Variants in NAALADL2 observed in about 807,000 individuals in gnomAD.
The protein encoded by NAALADL2 is inactive N-acetylated-alpha-linked acidic dipeptidase-like protein 2.
A neutral mutation model predicts 87.2 loss-of-function variants in NAALADL2; 76 were observed. The observed-to-expected ratio is 0.87, with a 90% confidence interval of 0.72 to 1.05. The LOEUF is 1.05. NAALADL2 is among the 50% of genes least tolerant of loss of function. The probability of loss-of-function intolerance (pLI) is 0.00; values close to 1 mark genes in which losing one functional copy is unlikely to be tolerated. For missense variants in NAALADL2, 1,089 were observed against 945.8 expected (o/e 1.15, Z -1.99); for synonymous variants, 354 against 331.0 (o/e 1.07, Z -0.75).
chr3:175,810,077 T>C lies in NAALADL2; in HGVS notation c.*6874T>C, dbSNP rs750276156. The C allele has an allele frequency of 6.6e-6, 1 of 152,056 alleles. No individual in the cohort carries two copies. The highest frequency in any genetic ancestry group is 1.5e-5 in the Non-Finnish European group (1 of 67,978). The allele number at this position is 152,056 out of a possible 1,614,324, so 9.4% of individuals were successfully genotyped here. ...TCTGGATTCAGAAATCTTTTCATTG[T>C]ACAGAGATTTCATTGTCATTGTCGT... On this transcript the variant is annotated 3_prime_UTR_variant, in exon 14 of 14. Transcript: ENST00000454872.
chr3:174,768,590 A>G (rs1424126530), intron 3 of NAALADL2, among the ~76,000 whole-genome samples: 1 of 152,192 alleles, frequency 6.6e-6, no homozygotes, highest in Non-Finnish European at 1.5e-5. Context: ...TAGTAGTTTT[A>G]AAAAATAATC....
intron 1 of NAALADL2, among the ~76,000 whole-genome samples, chr3:175,093,443 G>A (rs1375938512): frequency 2.7e-5 from 3 of 111,566 alleles, no homozygotes; most frequent in Non-Finnish European, 6.0e-5. Context: ...TGTTTTAAGT[G>A]AAGCAAACAA....
intron 3 of NAALADL2, among the ~76,000 whole-genome samples, chr3:174,777,794 A>G (rs919565708): frequency 3.3e-5 from 5 of 152,080 alleles, no homozygotes; most frequent in Non-Finnish European, 5.9e-5. Context: ...GTTTCTACTG[A>G]ACCTCTCCTT....
At chr3:174,902,093 T>G (rs80127905) in intron 1 of NAALADL2, among the ~76,000 whole-genome samples, 1 of 152,130 alleles carries the variant, frequency 6.6e-6, no homozygotes, top group Non-Finnish European at 1.5e-5. Flanking sequence ...CAGGGCATGA[T>G]CTACCGCCCA....
intron 5 of NAALADL2, among the ~76,000 whole-genome samples, chr3:175,423,643 C>G (rs1226091875): frequency 2.0e-5 from 3 of 152,148 alleles, no homozygotes; most frequent in Admixed American, 6.5e-5. Flanking sequence ...GTATGTGCCA[C>G]ATTTTCTAAT....
At chr3:175,355,067 T>C (rs554779600) in intron 5 of NAALADL2, among the ~76,000 whole-genome samples, 65 of 150,842 alleles carry the variant, frequency 4.3e-4, no homozygotes, top group African/African-American at 1.5e-3. Context: ...TGTATACATA[T>C]ATTTTTTCTT....
intron 2 of NAALADL2, among the ~76,000 whole-genome samples, chr3:174,734,538 C>T (rs1733004505): frequency 6.6e-6 from 1 of 152,094 alleles, no homozygotes; most frequent in Non-Finnish European, 1.5e-5. Flanking sequence ...TGTGCAAACT[C>T]TCAGGACCCA....
At chr3:174,576,360 C>T (rs1444376531) in intron 2 of NAALADL2, among the ~76,000 whole-genome samples, 1 of 152,016 alleles carries the variant, frequency 6.6e-6, no homozygotes, top group Non-Finnish European at 1.5e-5. Flanking sequence ...TGTAGATATA[C>T]TTTTGGGTTA....
intron 2 of NAALADL2, among the ~76,000 whole-genome samples, chr3:175,169,403 A>G (rs1167342711): frequency 1.3e-5 from 2 of 151,268 alleles, no homozygotes; most frequent in Non-Finnish European, 3.0e-5. Flanking sequence ...TATGAATCTC[A>G]GTTTTATATG....
intron 2 of NAALADL2, among the ~76,000 whole-genome samples, chr3:175,154,657 G>A (rs1732036570): frequency 6.6e-6 from 1 of 152,106 alleles, no homozygotes; most frequent in Admixed American, 6.6e-5. Flanking sequence ...CTTCTGGATA[G>A]TTGAGAAGAT....
intron 10 of NAALADL2, among the ~76,000 whole-genome samples, chr3:175,610,243 G>C (rs1309762927): frequency 6.6e-6 from 1 of 152,048 alleles, no homozygotes; most frequent in African/African-American, 2.4e-5. Context: ...TGGGAAATGA[G>C]AGTTGTTCTG....
At chr3:175,441,095 A>G (rs772452668) in intron 5 of NAALADL2, among the ~76,000 whole-genome samples, 1 of 152,080 alleles carries the variant, frequency 6.6e-6, no homozygotes, top group African/African-American at 2.4e-5. Flanking sequence ...TTTATAAACT[A>G]TATAAATTAC....
At chr3:175,297,571 T>C (rs1458561683) in intron 4 of NAALADL2, among the ~76,000 whole-genome samples, 1 of 152,208 alleles carries the variant, frequency 6.6e-6, no homozygotes, top group African/African-American at 2.4e-5. Flanking sequence ...TCACATTCTC[T>C]CCAATTTTCA....
rs201470898 is a variant in NAALADL2 at position 175,106,773 on chromosome 3, G to C, written c.545+9482G>C. 4.6e-5 allele frequency among the ~76,000 whole-genome samples: 7 copies of C among 152,110 alleles called. No individual in the cohort carries two copies. The East Asian group carries it at 1.2e-3, about 25-fold the overall frequency. On this transcript the variant is annotated intron_variant, in intron 2 of 13. Coordinates refer to ENST00000454872, the MANE Select transcript of NAALADL2 (RefSeq NM_207015.3). ...CGTGGTCCTTTGAAATTTGCAATTT[G>C]AAAATCCTAATCCATGCTTTAGAAA...
intron 2 of NAALADL2, among the ~76,000 whole-genome samples, chr3:175,130,059 C>CGATGTTGTA (rs1371574510): frequency 2.0e-5 from 3 of 152,030 alleles, no homozygotes; most frequent in Non-Finnish European, 4.4e-5. Context: ...TAGTGATTAG[C>CGATGTTGTA]GATGTTGTAT....
At chr3:174,527,964 G>C (rs1720915532) in intron 1 of NAALADL2, among the ~76,000 whole-genome samples, 1 of 152,138 alleles carries the variant, frequency 6.6e-6, no homozygotes, top group South Asian at 2.1e-4. Context: ...GGTTAATAAA[G>C]TTTTACTGGA....
At chr3:174,975,157 A>G (rs1744205426) in intron 1 of NAALADL2, among the ~76,000 whole-genome samples, 1 of 152,146 alleles carries the variant, frequency 6.6e-6, no homozygotes, top group South Asian at 2.1e-4. Context: ...GCACCAGCAT[A>G]TTGGATCCTG....
intron 1 of NAALADL2, among the ~76,000 whole-genome samples, chr3:174,913,168 GA>G (rs372030053): frequency 2.0e-5 from 3 of 152,038 alleles, no homozygotes; most frequent in African/African-American, 7.2e-5. Flanking sequence ...AGTTTTGGTA[GA>G]ACTTTCCCTA....
intron 1 of NAALADL2, among the ~76,000 whole-genome samples, chr3:175,041,866 A>T (rs1197570663): frequency 2.6e-5 from 4 of 152,164 alleles, no homozygotes; most frequent in African/African-American, 9.6e-5. Context: ...TATATTGTGA[A>T]ATGATTGCCA....
Sources: gnomAD v4.1 joint callset for allele counts (sites outside exome capture counted in the v4.1 genomes callset) on GRCh38, gnomAD v4.1.1 for gene constraint, MANE v1.5 for transcripts, NCBI Gene and HGNC (gene_info 2026-07-23, HGNC 2026-07-21) for gene names.